Variants in TXNDC16 observed in about 807,000 individuals in gnomAD.
The protein encoded by TXNDC16 is thioredoxin domain-containing protein 16.
TXNDC16 carries 74 observed loss-of-function variants against 85.6 expected under a neutral mutation model. The observed-to-expected ratio is 0.86, with a 90% CI of 0.72 to 1.05. The LOEUF (loss-of-function observed/expected upper bound fraction) is 1.05. Among genes scored for constraint, TXNDC16 ranks in the 50% least tolerant of loss-of-function variants. The pLI, the probability that TXNDC16 is intolerant of heterozygous loss-of-function variation, is 0.00. For synonymous variants in TXNDC16, 335 were observed against 326.5 expected (o/e 1.03, Z -0.28); for missense variants, 959 against 947.0 (o/e 1.01, Z -0.17).
intron 14 of TXNDC16, among the ~76,000 whole-genome samples, chr14:52,477,489 T>G (rs1385307214): frequency 6.6e-6 from 1 of 152,122 alleles, no homozygotes; most frequent in Non-Finnish European, 1.5e-5. Context: ...AGACATTCCA[T>G]GCAAATGGAC....
At position 52,552,392 on chromosome 14, in the gene TXNDC16, G is replaced by C. The variant is rs1173991235; in HGVS notation, c.-258C>G. On this transcript the variant is annotated 5_prime_UTR_variant, in exon 1 of 21. Transcript: ENST00000281741. The stretch of plus-strand genomic sequence containing the variant: ...CAACAGTTCCCGCCGCCACGCGACG[G>C]AGGAGGAGGCAGAAGACGGGGCCGT... 1 of 152,426 alleles carries C rather than the reference G, an allele frequency of 6.6e-6. No individual in the cohort carries two copies. The highest frequency in any genetic ancestry group is 1.9e-4 in the East Asian group (1 of 5,190). 9.4% of individuals were successfully genotyped at this position (152,426 alleles called of 1,614,324 possible). A position where few individuals can be genotyped will look rare whatever the true frequency, so the allele number is the denominator to read the frequency against.
At position 52,470,062 on chromosome 14, in the gene TXNDC16, T is replaced by A. The variant is rs1036115893; in HGVS notation, c.1593A>T (p.Gly531=). The part of the protein sequence containing the change: ...LILYSSVSVL[G]LFSPTMKTAK... Reference sequence around the variant, plus strand: ...CTGTTTTCATGGTTGGACTAAATAGTCCCAATACTGACACACTAGAATACA... The same window carrying A: ...CTGTTTTCATGGTTGGACTAAATAGACCCAATACTGACACACTAGAATACA... The change falls in exon 16 of 21, where the codon GGA becomes GGT. Residue 531 remains glycine (G), a synonymous_variant. Transcript: ENST00000281741. 2 of 1,611,336 alleles carry A rather than the reference T, an allele frequency of 1.2e-6. No individual in the cohort carries two copies. The highest frequency in any genetic ancestry group is 8.5e-7 in the Non-Finnish European group (1 of 1,178,810).
rs1473068248 is a variant in TXNDC16, at chr14:52,441,365, T to C, written c.1843-641A>G. ...GGCTCACGCCTGTAATCCCAGCACT[T>C]TGGGAGGCCGACGCAGGCAGATCGC... On this transcript the variant is annotated intron_variant, in intron 18 of 20. Coordinates refer to ENST00000281741, the MANE Select transcript of TXNDC16 (RefSeq NM_020784.3). Among the ~76,000 whole-genome samples, 4 of 152,244 alleles carry C rather than the reference T, an allele frequency of 2.6e-5. No individual in the cohort carries two copies. The South Asian group carries it at 6.2e-4, about 24-fold the overall frequency.
chr14:52,467,857 T>A (rs529561899), intron 16 of TXNDC16, among the ~76,000 whole-genome samples: 1 of 152,246 alleles, frequency 6.6e-6, no homozygotes, highest in East Asian at 1.9e-4. Context: ...AAAAATTCAT[T>A]AATGGATAAA....
intron 9 of TXNDC16, among the ~76,000 whole-genome samples, chr14:52,502,914 A>G (rs921041337): frequency 6.6e-6 from 1 of 152,242 alleles, no homozygotes; most frequent in Non-Finnish European, 1.5e-5. Flanking sequence ...CAAATGGCAC[A>G]CAAGGAGATT....
intron 7 of TXNDC16, among the ~76,000 whole-genome samples, chr14:52,517,722 G>C (rs1002652183): frequency 6.6e-6 from 1 of 151,966 alleles, no homozygotes; most frequent in East Asian, 1.9e-4. Flanking sequence ...TTTCCTGTGT[G>C]AGGCATTTCC....
chr14:52,475,349 C>T (rs1419629165), intron 14 of TXNDC16, among the ~76,000 whole-genome samples: 1 of 152,096 alleles, frequency 6.6e-6, no homozygotes, highest in African/African-American at 2.4e-5. Flanking sequence ...ATGAATCCAG[C>T]GTGCAGACTC....
intron 15 of TXNDC16, 66 bp downstream of exon 15, chr14:52,470,446 G>C (rs2035879757): frequency 1.3e-6 from 2 of 1,501,844 alleles, no homozygotes; most frequent in Admixed American, 2.2e-5. Flanking sequence ...TGTTAGCAAA[G>C]TCTGAGAATT....
chr14:52,551,689 G>A (rs2038052942), intron 1 of TXNDC16, among the ~76,000 whole-genome samples: 2 of 151,954 alleles, frequency 1.3e-5, no homozygotes, highest in South Asian at 2.1e-4. Context: ...CTATGTGCCG[G>A]CCCAATATAC....
intron 13 of TXNDC16, 114 bp downstream of exon 13, chr14:52,482,708 G>T (rs1006777093): frequency 1.7e-5 from 15 of 861,550 alleles, no homozygotes; most frequent in Admixed American, 6.5e-5. Context: ...CAGTCTACTT[G>T]AGACATACGA....
chr14:52,504,396 A>G (rs979075168), intron 9 of TXNDC16, among the ~76,000 whole-genome samples: 4 of 152,262 alleles, frequency 2.6e-5, no homozygotes, highest in Non-Finnish European at 4.4e-5. Flanking sequence ...ACAAGCCAGA[A>G]GAGAGTGGGG....
intron 9 of TXNDC16, among the ~76,000 whole-genome samples, chr14:52,496,494 T>C (rs904586807): frequency 2.0e-5 from 3 of 151,752 alleles, no homozygotes; most frequent in Non-Finnish European, 4.4e-5. Context: ...CCTCAAAATT[T>C]GGAGTATAAA....
intron 18 of TXNDC16, among the ~76,000 whole-genome samples, chr14:52,445,748 G>A (rs888979894): frequency 6.6e-5 from 10 of 152,182 alleles, no homozygotes; most frequent in African/African-American, 2.4e-4. Context: ...ATTTAGTAAA[G>A]TAACATGCTG....
chr14:52,506,461 C>T (rs1018682512), intron 9 of TXNDC16, among the ~76,000 whole-genome samples: 2 of 150,758 alleles, frequency 1.3e-5, no homozygotes, highest in African/African-American at 4.9e-5. Flanking sequence ...TAAACAGAAC[C>T]AACGACCAAA....
At chr14:52,448,746 C>T (rs950111696) in intron 18 of TXNDC16, among the ~76,000 whole-genome samples, 4 of 151,782 alleles carry the variant, frequency 2.6e-5, no homozygotes, top group African/African-American at 9.7e-5. Flanking sequence ...ACAGATGGTA[C>T]AATAAGATAT....
chr14:52,494,099 AC>A (rs1361393829), intron 9 of TXNDC16, among the ~76,000 whole-genome samples: 12 of 152,036 alleles, frequency 7.9e-5, no homozygotes, highest in Non-Finnish European at 2.9e-5. Context: ...AAGTCTGTCT[AC>A]CATAGGTAAG....
At position 52,547,157 on chromosome 14, in the gene TXNDC16, C is replaced by T. The variant is rs539374178; in HGVS notation, c.-181-2786G>A. On this transcript the variant is annotated intron_variant, in intron 1 of 20. Coordinates refer to ENST00000281741, the MANE Select transcript of TXNDC16 (RefSeq NM_020784.3). Reference sequence around the variant, plus strand: ...AAAACTTAAAACAATCCTTAGGCCCCCACCCGTGCATGGTCACAAAGCAAA... The same window carrying T: ...AAAACTTAAAACAATCCTTAGGCCCTCACCCGTGCATGGTCACAAAGCAAA... Among the ~76,000 whole-genome samples, 5 of 152,198 alleles carry T rather than the reference C, an allele frequency of 3.3e-5. No individual in the cohort carries two copies. In the South Asian group the frequency reaches 1.0e-3, roughly 32 times the overall value.
At chr14:52,476,286 G>A (rs927534664) in intron 14 of TXNDC16, among the ~76,000 whole-genome samples, 5 of 151,732 alleles carry the variant, frequency 3.3e-5, no homozygotes, top group African/African-American at 7.3e-5. Flanking sequence ...ACTCACCCCC[G>A]CAAAAAAATC....
At chr14:52,499,683 C>T (rs1235945541) in intron 9 of TXNDC16, among the ~76,000 whole-genome samples, 1 of 151,624 alleles carries the variant, frequency 6.6e-6, no homozygotes, top group African/African-American at 2.4e-5. Context: ...CCCTTGTGCA[C>T]TGTTGGTGAG....
Sources: allele counts gnomAD v4.1 joint callset (sites outside exome capture counted in the v4.1 genomes callset), GRCh38; gene constraint gnomAD v4.1.1; transcripts MANE v1.5; gene names NCBI Gene and HGNC (gene_info 2026-07-23, HGNC 2026-07-21).